Variants in HPCAL1 observed in about 807,000 individuals in gnomAD.
HPCAL1 encodes the protein hippocalcin-like protein 1.
HPCAL1 carries 8 observed loss-of-function variants against 17.1 expected under a neutral mutation model. That is an observed-to-expected ratio of 0.47 (90% CI 0.27 to 0.84). The LOEUF is 0.84. HPCAL1 is among the 40% of genes least tolerant of loss of function. The pLI, the probability that HPCAL1 is intolerant of heterozygous loss-of-function variation, is 0.13. For synonymous variants in HPCAL1, 112 were observed against 111.4 expected (o/e 1.01, Z -0.03); for missense variants, 165 against 271.1 (o/e 0.61, Z 2.75).
At chr2:10,388,089 C>T (rs183044508) in intron 1 of HPCAL1, among the ~76,000 whole-genome samples, 2 of 152,258 alleles carry the variant, frequency 1.3e-5, no homozygotes, top group East Asian at 3.9e-4. Flanking sequence ...GTTCTAAGGT[C>T]TCCTGAGAAG....
intron 1 of HPCAL1, among the ~76,000 whole-genome samples, chr2:10,351,178 A>G (rs975440066): frequency 6.6e-6 from 1 of 152,260 alleles, no homozygotes; most frequent in African/African-American, 2.4e-5. Flanking sequence ...TGATGAATGG[A>G]TAAACAAAAT....
chr2:10,379,435 T>C (rs1367721156), intron 1 of HPCAL1, among the ~76,000 whole-genome samples: 6 of 151,424 alleles, frequency 4.0e-5, no homozygotes, highest in Non-Finnish European at 7.4e-5. Flanking sequence ...CCTGGCTCCT[T>C]TTCTTGGTGG....
chr2:10,418,264 C>CATAA (rs59197150), intron 2 of HPCAL1, among the ~76,000 whole-genome samples: 21,446 of 144,156 alleles, frequency 0.15, 1,796 homozygotes, highest in South Asian at 0.19. Flanking sequence ...ACTAAAAATA[C>CATAA]ATAAATAAAT....
chr2:10,348,815 C>T (rs1348482393), intron 1 of HPCAL1, among the ~76,000 whole-genome samples: 1 of 152,106 alleles, frequency 6.6e-6, no homozygotes, highest in Non-Finnish European at 1.5e-5. Flanking sequence ...TGGCCTTCTC[C>T]TGGGAAATCC....
At chr2:10,387,184 G>A (rs1383059158) in intron 1 of HPCAL1, among the ~76,000 whole-genome samples, 1 of 152,256 alleles carries the variant, frequency 6.6e-6, no homozygotes, top group Admixed American at 6.5e-5. Flanking sequence ...GCCACATTCA[G>A]CCTTCTGTGT....
At chr2:10,378,276 G>A (rs972043790) in intron 1 of HPCAL1, among the ~76,000 whole-genome samples, 10 of 126,404 alleles carry the variant, frequency 7.9e-5, no homozygotes, top group Admixed American at 2.0e-4. Flanking sequence ...TGTGGGACTC[G>A]TTTGCACACA....
At chr2:10,313,831 C>A (rs1298473405) in intron 1 of HPCAL1, among the ~76,000 whole-genome samples, 2 of 152,104 alleles carry the variant, frequency 1.3e-5, no homozygotes, top group Admixed American at 1.3e-4. Context: ...AAATTGACTG[C>A]AAAAAAATGA....
chr2:10,323,521 G>C lies in HPCAL1; in HGVS notation c.-111+20344G>C, dbSNP rs1305449562. 2.6e-5 allele frequency among the ~76,000 whole-genome samples: 4 copies of C among 152,198 alleles called. No individual in the cohort carries two copies. The East Asian group carries it at 7.7e-4, about 29-fold the overall frequency. ...CTGAAGACAATGGGTGACTGAGGCA[G>C]TTACAGGTGTCAGCCCCAGATGAGG... On this transcript the variant is annotated intron_variant, in intron 1 of 4. Coordinates refer to ENST00000307845, the MANE Select transcript of HPCAL1 (RefSeq NM_002149.4). This position sits in a 1 kb window ranked among gnomAD's most constrained non-coding sequence, Gnocchi z 4.6.
intron 2 of HPCAL1, among the ~76,000 whole-genome samples, chr2:10,406,673 C>T (rs192324996): frequency 6.6e-6 from 1 of 152,228 alleles, no homozygotes; most frequent in Non-Finnish European, 1.5e-5. Flanking sequence ...CGGGCTCGCT[C>T]TAGCCTGGCC....
chr2:10,334,490 G>A lies in HPCAL1; in HGVS notation c.-111+31313G>A, dbSNP rs531442460. Among the ~76,000 whole-genome samples the A allele has an allele frequency of 1.4e-4, 22 of 151,942 alleles. No individual in the cohort carries two copies. The South Asian group carries it at 3.5e-3, about 24-fold the overall frequency. On this transcript the variant is annotated intron_variant, in intron 1 of 4. Transcript: ENST00000307845. ...ACCACTGTACTCCAGCCTGGATGATGGAGTGGAGTGAGACCTTGTCTTTAA... is the reference window on the plus strand; with the variant it reads ...ACCACTGTACTCCAGCCTGGATGATAGAGTGGAGTGAGACCTTGTCTTTAA...
rs1666903865 is a variant in HPCAL1 at position 10,367,217 on chromosome 2, TAC to T, written c.-110-29616_-110-29615del. 6.6e-6 allele frequency among the ~76,000 whole-genome samples: 1 copy of T among 151,976 alleles called. No individual in the cohort carries two copies. The highest frequency in any genetic ancestry group is 1.5e-5 in the Non-Finnish European group (1 of 68,014). On this transcript the variant is annotated intron_variant, in intron 1 of 4. Transcript: ENST00000307845. This position sits in a 1 kb window ranked among gnomAD's most constrained non-coding sequence, Gnocchi z 4.4. ...TCTCTCAAAATAGGCTGAGACTTTTTACAGTTAGATATTTAATATACAGATGA... is the reference window on the plus strand; with the variant it reads ...TCTCTCAAAATAGGCTGAGACTTTTTAGTTAGATATTTAATATACAGATGA...
At chr2:10,371,393 G>C (rs918111597) in intron 1 of HPCAL1, among the ~76,000 whole-genome samples, 1 of 148,134 alleles carries the variant, frequency 6.8e-6, no homozygotes, top group African/African-American at 2.5e-5. Context: ...TGTTCACCTG[G>C]GCTTTGAGGC....
chr2:10,420,209 CTTTTTTTTTTTT>C, intron 3 of HPCAL1, 74 bp downstream of exon 3: 1 of 571,274 alleles, frequency 1.8e-6, no homozygotes. Flanking sequence ...CAGCCCAGGG[CTTTTTTTTTTTT>C]TTTTTTTTTT....
At chr2:10,325,485 C>T (rs1663950454) in intron 1 of HPCAL1, among the ~76,000 whole-genome samples, 1 of 152,186 alleles carries the variant, frequency 6.6e-6, no homozygotes, top group South Asian at 2.1e-4. Context: ...AGTGCCAGGC[C>T]AGGGTGGCAC....
intron 1 of HPCAL1, among the ~76,000 whole-genome samples, chr2:10,325,573 T>G (rs1162750784): frequency 6.6e-6 from 1 of 151,800 alleles, no homozygotes; most frequent in African/African-American, 2.4e-5. Context: ...TCCAGCAACC[T>G]TCCTCGCCAG....
At chr2:10,370,245 G>A (rs1009767143) in intron 1 of HPCAL1, among the ~76,000 whole-genome samples, 1 of 152,172 alleles carries the variant, frequency 6.6e-6, no homozygotes, top group Admixed American at 6.5e-5. Context: ...TCGAATTCCC[G>A]TCAGTCGTGG....
rs983433064 is a variant in HPCAL1 at position 10,342,489 on chromosome 2, C to G, written c.-111+39312C>G. On this transcript the variant is annotated intron_variant, in intron 1 of 4. Coordinates refer to ENST00000307845, the MANE Select transcript of HPCAL1 (RefSeq NM_002149.4). This position sits in a 1 kb window ranked among gnomAD's most constrained non-coding sequence, Gnocchi z 4.1. Reference sequence around the variant, plus strand: ...AGAAACAACGTAGCTCCAAGGAGGACTGATCAGCCCAGCCTGGGGGAGGGT... The same window carrying G: ...AGAAACAACGTAGCTCCAAGGAGGAGTGATCAGCCCAGCCTGGGGGAGGGT... Among the ~76,000 whole-genome samples, 2 of 142,730 alleles carry G rather than the reference C, an allele frequency of 1.4e-5. No individual in the cohort carries two copies. The highest frequency in any genetic ancestry group is 5.1e-5 in the African/African-American group (2 of 39,442). 93.6% of individuals were successfully genotyped at this position (142,730 alleles called of 152,430 possible).
Position 10,323,724 on chromosome 2 carries a change from T to C in HPCAL1, c.-111+20547T>C, listed in dbSNP as rs906406701. On this transcript the variant is annotated intron_variant, in intron 1 of 4. Transcript: ENST00000307845. This position sits in a 1 kb window ranked among gnomAD's most constrained non-coding sequence, Gnocchi z 4.6. Reference sequence around the variant, plus strand: ...CTCAGGTAATGAGAATTAGCCCACATCCATTCATTCCACAAATATTTATGG... The same window carrying C: ...CTCAGGTAATGAGAATTAGCCCACACCCATTCATTCCACAAATATTTATGG... Among the ~76,000 whole-genome samples the C allele has an allele frequency of 1.3e-5, 2 of 152,194 alleles. No homozygotes were observed. Among genetic ancestry groups the C allele is most frequent in the African/African-American group, 4.8e-5 (2 of 41,438 alleles).
At chr2:10,319,628 G>A (rs1334452808) in intron 1 of HPCAL1, among the ~76,000 whole-genome samples, 1 of 151,808 alleles carries the variant, frequency 6.6e-6, no homozygotes, top group Non-Finnish European at 1.5e-5. Context: ...CCCTGTGTTT[G>A]GGAGCCTCTG....
Sources: gnomAD v4.1 joint callset for allele counts (sites outside exome capture counted in the v4.1 genomes callset) on GRCh38, gnomAD v4.1.1 for gene constraint, Gnocchi (gnomAD v3.1) non-coding constraint, MANE v1.5 for transcripts, NCBI Gene and HGNC (gene_info 2026-07-23, HGNC 2026-07-21) for gene names.